The following IPO7 variants were observed in gnomAD, a reference collection of about 807,000 sequenced individuals.
IPO7 encodes importin 7, also known as importin-7.
Under a neutral mutation model 136.4 loss-of-function variants are expected in IPO7, and 13 were observed. The observed-to-expected ratio is 0.10, with a 90% CI of 0.06 to 0.15. The LOEUF (loss-of-function observed/expected upper bound fraction) is 0.15, where lower values mean the gene tolerates loss of function less well. Among genes scored for constraint, IPO7 ranks in the 10% least tolerant of loss-of-function variants. The pLI is 1.00. For missense variants in IPO7, 857 were observed against 1,240.6 expected, an observed-to-expected ratio of 0.69 and a Z score of 4.65; for synonymous variants, 403 against 404.4, an observed-to-expected ratio of 1.00 and a Z score of 0.04.
Position 9,446,172 on chromosome 11 carries a change from A to G in IPO7, c.*978A>G, listed in dbSNP as rs1200691016. 1.3e-5 allele frequency: 2 copies of G among 152,236 alleles called. No individual in the cohort carries two copies. The highest frequency in any genetic ancestry group is 2.9e-5 in the Non-Finnish European group (2 of 68,046). The allele number at this position is 152,236 out of a possible 1,614,324, so 9.4% of individuals were successfully genotyped here. On this transcript the variant is annotated 3_prime_UTR_variant, in exon 25 of 25. Transcript: ENST00000379719. ...GTTCTGCTCTTAAAGAGTTGATCTA[A>G]GAGTATGGCTAAACATCTATATATG... is the stretch of plus-strand genomic sequence containing the variant.
At chr11:9,406,032 G>A (rs1854878003) in intron 2 of IPO7, among the ~76,000 whole-genome samples, 1 of 150,000 alleles carries the variant, frequency 6.7e-6, no homozygotes, top group Non-Finnish European at 1.5e-5. Flanking sequence ...GGGGCTGCAG[G>A]CATGTGTCAC....
At chr11:9,392,237 G>C (rs1854645195) in intron 1 of IPO7, 1 of 306,978 alleles carries the variant, frequency 3.3e-6, no homozygotes, top group Non-Finnish European at 6.3e-6. Flanking sequence ...GAGTGCAATG[G>C]CACAATCTCG....
chr11:9,385,949 A>C (rs1037751964), intron 1 of IPO7, among the ~76,000 whole-genome samples: 1 of 152,216 alleles, frequency 6.6e-6, no homozygotes, highest in Non-Finnish European at 1.5e-5. Flanking sequence ...GCTTTACTGA[A>C]CTTTAGTGTA....
chr11:9,397,341 A>AAAAAAAAAAATATATATATATATATAT, intron 1 of IPO7, among the ~76,000 whole-genome samples: 3 of 10,760 alleles, frequency 2.8e-4, no homozygotes, highest in Non-Finnish European at 5.5e-4. Flanking sequence ...TTTAAAAAAA[A>AAAAAAAAAAATATATATATATATATAT]ATATATATAT....
intron 1 of IPO7, among the ~76,000 whole-genome samples, chr11:9,394,640 C>T (rs545153583): frequency 6.6e-6 from 1 of 152,200 alleles, no homozygotes; most frequent in Non-Finnish European, 1.5e-5. Flanking sequence ...TCATTTTTAT[C>T]TTTCACTGTT....
rs1855533122 is a variant in IPO7, at chr11:9,446,668, G to T, written c.*1474G>T. 6.6e-6 allele frequency: 1 copy of T among 152,082 alleles called. No homozygotes were observed. The highest frequency in any genetic ancestry group is 6.6e-5 in the Admixed American group (1 of 15,256). The allele number at this position is 152,082 out of a possible 1,614,324, so 9.4% of individuals were successfully genotyped here. On this transcript the variant is annotated 3_prime_UTR_variant, in exon 25 of 25. Transcript: ENST00000379719. ...AATGGATTCAAAACTATTACAAGCT[G>T]TTGTCTAAAACAGGTGAGAAAAAAA... is the stretch of plus-strand genomic sequence containing the variant.
chr11:9,385,813 T>G (rs924476575), intron 1 of IPO7, among the ~76,000 whole-genome samples: 1 of 152,226 alleles, frequency 6.6e-6, no homozygotes, highest in Non-Finnish European at 1.5e-5. Context: ...TCCAGTGTCA[T>G]TCTTTGTTTC....
At position 9,403,337 on chromosome 11, in the gene IPO7, G is replaced by A; in HGVS notation, c.132G>A (p.Met44Ile). ...NFVSTLLQITMSEQLDLPVRQ... is the reference protein window; with the variant it reads ...NFVSTLLQITISEQLDLPVRQ... ...TCTCAACACTGCTCCAGATTACTAT[G>A]TCGGAACAGCTGGATTTACCTGTGA... The change falls in exon 2 of 25, where the codon ATG becomes ATA. Residue 44 changes from methionine (M) to isoleucine (I), a missense_variant. Coordinates refer to ENST00000379719, the MANE Select transcript of IPO7 (RefSeq NM_006391.3). 6.2e-7 allele frequency: 1 copy of A among 1,613,882 alleles called. No individual in the cohort carries two copies. The highest frequency in any genetic ancestry group is 2.2e-5 in the East Asian group (1 of 44,862).
At chr11:9,405,367 G>C (rs1356848274) in intron 2 of IPO7, among the ~76,000 whole-genome samples, 1 of 151,996 alleles carries the variant, frequency 6.6e-6, no homozygotes. Context: ...GTAGAGATGG[G>C]GTTTCACCGT....
At chr11:9,439,384 G>T (rs541426445) in intron 22 of IPO7, among the ~76,000 whole-genome samples, 2 of 152,248 alleles carry the variant, frequency 1.3e-5, no homozygotes, top group African/African-American at 4.8e-5. Context: ...CCAAAGTGCT[G>T]GGATTACAGG....
intron 4 of IPO7, among the ~76,000 whole-genome samples, chr11:9,412,380 A>T (rs1462205323): frequency 6.6e-6 from 1 of 152,228 alleles, no homozygotes; most frequent in Non-Finnish European, 1.5e-5. Flanking sequence ...AATAAATACA[A>T]CTGGGATGTG....
At chr11:9,412,214 TC>T (rs1167285276) in intron 4 of IPO7, among the ~76,000 whole-genome samples, 3 of 152,240 alleles carry the variant, frequency 2.0e-5, no homozygotes, top group Admixed American at 2.0e-4. Context: ...ATGTGAACAT[TC>T]CTTTTTGTAT....
rs766034876 is a variant in IPO7, at chr11:9,408,602, A to G, written c.283A>G (p.Ile95Val). Residue 95 changes from isoleucine to valine, a missense_variant, in exon 3 of 25, where the codon ATT (isoleucine) becomes GTT (valine). Physicochemically the swap from Ile to Val is conservative, Grantham distance 29. Transcript: ENST00000379719. ...AGATCGCCATTGTATTCGAGAAAAT[A>G]TTGTAGAAGCCATTATCCATTCTCC... The part of the protein sequence containing the change: ...EEDRHCIREN[I>V]VEAIIHSPEL... 1.3e-6 allele frequency: 2 copies of G among 1,596,078 alleles called. No homozygotes were observed. The highest frequency in any genetic ancestry group is 1.7e-5 in the Admixed American group (1 of 58,618).
At chr11:9,428,697 T>C in intron 13 of IPO7, 68 bp downstream of exon 13, 1 of 885,504 alleles carries the variant, frequency 1.1e-6, no homozygotes, top group Non-Finnish European at 1.9e-6. Context: ...GACTTTTATA[T>C]TGAAACTTTT....
chr11:9,407,601 T>C (rs563728776), intron 2 of IPO7, among the ~76,000 whole-genome samples: 98 of 152,264 alleles, frequency 6.4e-4, no homozygotes, highest in Non-Finnish European at 1.3e-3. Flanking sequence ...TCTTAATCTA[T>C]TTGAATTACT....
intron 8 of IPO7, among the ~76,000 whole-genome samples, chr11:9,421,390 G>C (rs1234975844): frequency 6.6e-6 from 1 of 151,550 alleles, no homozygotes; most frequent in Non-Finnish European, 1.5e-5. Flanking sequence ...AGCACTTTGG[G>C]AGGCCAGGGC....
rs762249557 is a variant in IPO7, at chr11:9,384,871, G to T, written c.84+24G>T. 4 of 1,565,522 alleles carry T rather than the reference G, an allele frequency of 2.6e-6. No homozygotes were observed. The South Asian group carries it at 4.7e-5, about 18-fold the overall frequency. ...AAGTAAGGACGCCCGGCTAGCGGTG[G>T]CGGCGGGCAGGCGGGTGGGCAGAAG... On this transcript the variant is annotated intron_variant, in intron 1 of 24. Transcript: ENST00000379719.
At position 9,402,220 on chromosome 11, in the gene IPO7, T is replaced by C. The variant is rs1382773010; in HGVS notation, c.85-1070T>C. 2.7e-5 allele frequency among the ~76,000 whole-genome samples: 4 copies of C among 150,734 alleles called. No individual in the cohort carries two copies. The East Asian group carries it at 5.9e-4, about 22-fold the overall frequency. On this transcript the variant is annotated intron_variant, in intron 1 of 24. Transcript: ENST00000379719. ...TTCGAGACCAGCCTGGCCAATATAG[T>C]GAAACCCCGTCTCTATTAAAAATAC...
chr11:9,402,443 G>A (rs924880379), intron 1 of IPO7, among the ~76,000 whole-genome samples: 1 of 148,040 alleles, frequency 6.8e-6, no homozygotes, highest in Non-Finnish European at 1.5e-5. Flanking sequence ...CTAGTTGGGG[G>A]TCAGACGCAA....
Sources: gnomAD v4.1 joint callset for allele counts (sites outside exome capture counted in the v4.1 genomes callset) on GRCh38, gnomAD v4.1.1 for gene constraint, MANE v1.5 for transcripts, NCBI Gene and HGNC (gene_info 2026-07-23, HGNC 2026-07-21) for gene names.